KLK3: variants seen among roughly 807,000 people sequenced by gnomAD.
The protein encoded by KLK3 is prostate-specific antigen.
A neutral mutation model predicts 27.7 loss-of-function variants in KLK3; 23 were observed. The observed-to-expected ratio is 0.83, with a 90% CI of 0.60 to 1.17. The LOEUF (loss-of-function observed/expected upper bound fraction) is 1.17, where lower values mean the gene tolerates loss of function less well. KLK3 is among the 50% of genes most tolerant of loss of function. The pLI is 0.00. For missense variants in KLK3, 322 were observed against 338.1 expected (o/e 0.95, Z 0.37); for synonymous variants, 142 against 134.2 (o/e 1.06, Z -0.40).
In KLK3 at chr19:50,856,552, G is replaced by A; in HGVS notation, c.206+153G>A. The A allele has an allele frequency of 4.6e-6, 4 of 877,864 alleles. No individual in the cohort carries two copies. In the South Asian group the frequency reaches 7.1e-5, roughly 16 times the overall value. 54.4% of individuals were successfully genotyped at this position (877,864 alleles called of 1,614,324 possible). A position where few individuals can be genotyped will look rare whatever the true frequency, so the allele number is the denominator to read the frequency against. On this transcript the variant is annotated intron_variant, in intron 2 of 4. Coordinates refer to ENST00000326003, the MANE Select transcript of KLK3 (RefSeq NM_001648.2). Reference sequence around the variant, plus strand: ...AGGTCACATGGGGAGGCAGGGTTGGGGCTGGACCACCCTCCCCATGGCTGC... The same window carrying A: ...AGGTCACATGGGGAGGCAGGGTTGGAGCTGGACCACCCTCCCCATGGCTGC...
intron 1 of KLK3, 186 bp from the exon 2 acceptor site, chr19:50,856,054 A>C: frequency 3.4e-6 from 2 of 588,156 alleles, no homozygotes. Flanking sequence ...ACCAACCTGC[A>C]AACCTAGGGA....
Position 50,860,060 on chromosome 19 carries a change from C to A in KLK3, c.719C>A (p.Pro240His). Reference protein sequence around the residue: ...GSEPCALPERPSLYTKVVHYR... With the variant: ...GSEPCALPERHSLYTKVVHYR... ...GAACCATGTGCCCTGCCCGAAAGGC[C>A]TTCCCTGTACACCAAGGTGGTGCAT... The change falls in exon 5 of 5, where the codon CCT (proline) becomes CAT (histidine). Residue 240 changes from proline to histidine, a missense_variant. Coordinates refer to ENST00000326003, the MANE Select transcript of KLK3 (RefSeq NM_001648.2). The A allele has an allele frequency of 6.2e-7, 1 of 1,614,108 alleles. No homozygotes were observed.
chr19:50,858,949 C>A (rs2090167042), intron 4 of KLK3: 1 of 431,012 alleles, frequency 2.3e-6, no homozygotes. Flanking sequence ...GAACAGGGAC[C>A]ACAACACAGA....
rs752696686 is a variant in KLK3, at chr19:50,858,322, C to T, written c.493+7C>T. 2 of 1,610,566 alleles carry T rather than the reference C, an allele frequency of 1.2e-6. No homozygotes were observed. The highest frequency in any genetic ancestry group is 1.7e-6 in the Non-Finnish European group (2 of 1,177,712). Reference sequence around the variant, plus strand: ...AGCATTGAACCAGAGGAGTGTACGCCTGGGCCAGATGGTGCAGCCGGGAGC... The same window carrying T: ...AGCATTGAACCAGAGGAGTGTACGCTTGGGCCAGATGGTGCAGCCGGGAGC... On this transcript the variant is annotated splice_region_variant and intron_variant, in intron 3 of 4. Transcript: ENST00000326003.
chr19:50,859,886 T>C (rs2090173719), intron 4 of KLK3, 86 bp from the exon 5 acceptor site: 2 of 1,525,264 alleles, frequency 1.3e-6, no homozygotes, highest in African/African-American at 1.4e-5. Context: ...CTATCTGTTA[T>C]CTGCCTGTCC....
At chr19:50,859,607 A>C in intron 4 of KLK3, 1 of 1,613,448 alleles carries the variant, frequency 6.2e-7, no homozygotes, top group Non-Finnish European at 8.5e-7. Flanking sequence ...CCTGGAGAGG[A>C]GGTGTCTAGT....
At position 50,859,630 on chromosome 19, in the gene KLK3, C is replaced by G. The variant is rs745792138; in HGVS notation, c.631-342C>G. On this transcript the variant is annotated intron_variant, in intron 4 of 4. Transcript: ENST00000326003. ...GGAGGTGTCTAGTCAGAGAGTAGTCCTGGAAGGTGGCCTCTGTGAGGAGCC... is the reference window on the plus strand; with the variant it reads ...GGAGGTGTCTAGTCAGAGAGTAGTCGTGGAAGGTGGCCTCTGTGAGGAGCC... 4 of 1,612,066 alleles carry G rather than the reference C, an allele frequency of 2.5e-6. No individual in the cohort carries two copies. In the African/African-American group the frequency reaches 5.3e-5, roughly 22 times the overall value.
rs1350902100 is a variant in KLK3, at chr19:50,856,273, G to T, written c.80G>T (p.Gly27Val). The T allele has an allele frequency of 1.9e-6, 3 of 1,612,962 alleles. No homozygotes were observed. In the South Asian group the frequency reaches 3.3e-5, roughly 18 times the overall value. Residue 27 changes from glycine to valine, a missense_variant, in exon 2 of 5, where the codon GGA (glycine) becomes GTA (valine). Gly to Val is a moderately radical substitution (Grantham distance 109). Coordinates refer to ENST00000326003, the MANE Select transcript of KLK3 (RefSeq NM_001648.2). ...AAPLILSRIVGGWECEKHSQP... is the reference protein window; with the variant it reads ...AAPLILSRIVVGWECEKHSQP... ...CCCCTCATCCTGTCTCGGATTGTGG[G>T]AGGCTGGGAGTGCGAGAAGCATTCC...
At chr19:50,855,385 C>T (rs1033974491) in intron 1 of KLK3, 3 of 226,176 alleles carry the variant, frequency 1.3e-5, no homozygotes, top group African/African-American at 6.8e-5. Flanking sequence ...TCCTGAGCCC[C>T]TCAATCCTAT....
intron 4 of KLK3, chr19:50,859,516 C>A (rs756040723): frequency 6.2e-7 from 1 of 1,605,100 alleles, no homozygotes; most frequent in East Asian, 2.2e-5. Context: ...ACTCCATTCT[C>A]CACCTACCCA....
intron 2 of KLK3, 29 bp downstream of exon 2, chr19:50,856,428 A>T: frequency 6.2e-7 from 1 of 1,607,884 alleles, no homozygotes; most frequent in Non-Finnish European, 8.5e-7. Flanking sequence ...TCTGGGGAGC[A>T]GGTGTCTGTG....
chr19:50,856,596 T>C (rs174776), intron 2 of KLK3, 197 bp downstream of exon 2: 469,914 of 567,072 alleles, frequency 0.83, 197,113 homozygotes, highest in African/African-American at 0.91. Context: ...CCATCTGTGT[T>C]CCTCTATGTC....
intron 4 of KLK3, chr19:50,859,759 A>G: frequency 1.3e-6 from 2 of 1,489,586 alleles, no homozygotes; most frequent in African/African-American, 1.4e-5. Context: ...TGGACCCTGA[A>G]GTCCCTTCCC....
rs373854842 is a variant in KLK3 at position 50,854,954 on chromosome 19, C to T, written c.-2C>T. 17 of 1,613,742 alleles carry T rather than the reference C, an allele frequency of 1.1e-5. No individual in the cohort carries two copies. Among genetic ancestry groups the T allele is most frequent in the African/African-American group, 1.3e-5 (1 of 74,886 alleles). Reference sequence around the variant, plus strand: ...CACCTGCACCCGGAGAGCTGTGTCACCATGTGGGTCCCGGTTGTCTTCCTC... The same window carrying T: ...CACCTGCACCCGGAGAGCTGTGTCATCATGTGGGTCCCGGTTGTCTTCCTC... On this transcript the variant is annotated 5_prime_UTR_variant, in exon 1 of 5. Coordinates refer to ENST00000326003, the MANE Select transcript of KLK3 (RefSeq NM_001648.2).
In KLK3 at chr19:50,859,049, G is replaced by A. The variant is rs151258801; in HGVS notation, c.630+454G>A. On this transcript the variant is annotated intron_variant, in intron 4 of 4. Transcript: ENST00000326003. ...TGGGAGGAGACATCCTGCAGAAGGCGGGAGTGAGCAAACACCTGCCGCAGG... is the reference window on the plus strand; with the variant it reads ...TGGGAGGAGACATCCTGCAGAAGGCAGGAGTGAGCAAACACCTGCCGCAGG... 4.5e-4 allele frequency: 104 copies of A among 232,138 alleles called. 1 individual carries two copies. The East Asian group carries it at 9.1e-3, about 20-fold the overall frequency. The allele number at this position is 232,138 out of a possible 1,614,324, so 14.4% of individuals were successfully genotyped here. A position where few individuals can be genotyped will look rare whatever the true frequency, so the allele number is the denominator to read the frequency against.
At position 50,858,594 on chromosome 19, in the gene KLK3, C is replaced by T. The variant is rs61729813; in HGVS notation, c.629C>T (p.Ser210Leu). 4.9e-5 allele frequency: 79 copies of T among 1,614,078 alleles called. No individual in the cohort carries two copies. Among genetic ancestry groups the T allele is most frequent in the Admixed American group, 3.8e-4 (23 of 60,018 alleles). ...TGGACAGGGGGCAAAAGCACCTGCT[C>T]GGTGAGTCATCCCTACTCCCAAGAT... is the stretch of plus-strand genomic sequence containing the variant. ...GRWTGGKSTCSGDSGGPLVCN... is the reference protein window; with the variant it reads ...GRWTGGKSTCLGDSGGPLVCN... Residue 210 changes from serine (S) to leucine (L), a missense_variant and splice_region_variant, in exon 4 of 5, where the codon TCG (serine) becomes TTG (leucine). Physicochemically the swap from Ser to Leu is moderately radical, Grantham distance 145. Coordinates refer to ENST00000326003, the MANE Select transcript of KLK3 (RefSeq NM_001648.2).
At chr19:50,855,751 C>G (rs1452132273) in intron 1 of KLK3, 1 of 153,836 alleles carries the variant, frequency 6.5e-6, no homozygotes, top group African/African-American at 2.4e-5. Context: ...AAAACCAACT[C>G]AGACCAGAAC....
chr19:50,860,408 C>A lies in KLK3; in HGVS notation c.*281C>A. On this transcript the variant is annotated 3_prime_UTR_variant, in exon 5 of 5. Transcript: ENST00000326003. ...GGGTGTCTGTGTTATTTGTGGGGTA[C>A]AGAGATGAAAGAGGGGTGGGATCCA... 6.8e-6 allele frequency: 2 copies of A among 294,200 alleles called. No homozygotes were observed. Among genetic ancestry groups the A allele is most frequent in the South Asian group, 7.8e-5 (1 of 12,762 alleles). 18.2% of individuals were successfully genotyped at this position (294,200 alleles called of 1,614,324 possible). A position where few individuals can be genotyped will look rare whatever the true frequency, so the allele number is the denominator to read the frequency against.
chr19:50,859,557 A>G lies in KLK3; in HGVS notation c.631-415A>G, dbSNP rs537643737. The stretch of plus-strand genomic sequence containing the variant: ...GGTCATTCTGATCACCGAACTGACC[A>G]TGCCAGCCCTGCCGATGGTCCTCCA... On this transcript the variant is annotated intron_variant, in intron 4 of 4. Transcript: ENST00000326003. The G allele has an allele frequency of 8.5e-5, 137 of 1,613,674 alleles. 3 individuals carry two copies. The South Asian group carries it at 1.4e-3, about 17-fold the overall frequency.
Sources: gnomAD v4.1 joint callset for allele counts on GRCh38, gnomAD v4.1.1 for gene constraint, MANE v1.5 for transcripts, NCBI Gene and HGNC (gene_info 2026-07-23, HGNC 2026-07-21) for gene names.